The following DLG2 variants were observed in gnomAD, a reference collection of about 807,000 sequenced individuals.
The protein encoded by DLG2 is disks large homolog 2.
Under a neutral mutation model 132.5 loss-of-function variants are expected in DLG2, and 45 were observed. The observed-to-expected ratio is 0.34, with a 90% CI of 0.27 to 0.44. DLG2 has a LOEUF of 0.44. Ranked by LOEUF, DLG2 falls within the 20% of genes least tolerant of loss-of-function variation. The pLI, the probability that DLG2 is intolerant of heterozygous loss-of-function variation, is 1.00. For missense variants in DLG2, 1,045 were observed against 1,196.9 expected (o/e 0.87, Z 1.87); for synonymous variants, 424 against 419.6 (o/e 1.01, Z -0.13).
chr11:85,461,886 A>T (rs2092626746), intron 3 of DLG2, among the ~76,000 whole-genome samples: 1 of 152,126 alleles, frequency 6.6e-6, no homozygotes, highest in Admixed American at 6.6e-5. Context: ...TGGGAGAAAA[A>T]TTTTGCAACC....
intron 6 of DLG2, among the ~76,000 whole-genome samples, chr11:85,096,166 C>G (rs2069714403): frequency 6.6e-6 from 1 of 152,212 alleles, no homozygotes; most frequent in South Asian, 2.1e-4. Flanking sequence ...GACCAATCAG[C>G]AGGATGTGGG....
At chr11:83,573,943 G>C (rs996592986) in intron 19 of DLG2, among the ~76,000 whole-genome samples, 9 of 152,170 alleles carry the variant, frequency 5.9e-5, no homozygotes, top group Non-Finnish European at 1.2e-4. Flanking sequence ...TCTGTATTGA[G>C]TTGGTGAACT....
intron 18 of DLG2, among the ~76,000 whole-genome samples, chr11:83,743,449 T>TTTTTTTTTTA (rs1555372680): frequency 8.1e-5 from 10 of 124,098 alleles, no homozygotes; most frequent in African/African-American, 2.5e-4. Context: ...TTTTTTTTTT[T>TTTTTTTTTTA]ATGACAGGGT....
chr11:83,527,402 T>A (rs1301464161), intron 21 of DLG2, among the ~76,000 whole-genome samples: 2 of 152,136 alleles, frequency 1.3e-5, no homozygotes, highest in African/African-American at 4.8e-5. Flanking sequence ...AATAAATGAT[T>A]TCCTTTGAAG....
chr11:85,254,872 G>A (rs2076585225), intron 4 of DLG2, among the ~76,000 whole-genome samples: 1 of 151,920 alleles, frequency 6.6e-6, no homozygotes, highest in South Asian at 2.1e-4. Flanking sequence ...ATGGTGGCAG[G>A]CGTGTAGTCC....
intron 7 of DLG2, among the ~76,000 whole-genome samples, chr11:84,531,341 G>A (rs1261794998): frequency 6.6e-6 from 1 of 152,118 alleles, no homozygotes; most frequent in African/African-American, 2.4e-5. Flanking sequence ...ATGGGTGGAA[G>A]GAGGGTGAGG....
chr11:84,264,850 G>A (rs2097594288), intron 7 of DLG2, among the ~76,000 whole-genome samples: 1 of 152,128 alleles, frequency 6.6e-6, no homozygotes, highest in Admixed American at 6.5e-5. Flanking sequence ...TTCTAGTCCT[G>A]CACTTGGATT....
intron 4 of DLG2, among the ~76,000 whole-genome samples, chr11:85,199,667 G>T (rs747857151): frequency 6.6e-6 from 1 of 152,146 alleles, no homozygotes; most frequent in Non-Finnish European, 1.5e-5. Flanking sequence ...TCTTTGGAAA[G>T]TACCATTGAT....
chr11:83,768,779 G>A (rs1389611763), intron 18 of DLG2, among the ~76,000 whole-genome samples: 1 of 152,188 alleles, frequency 6.6e-6, no homozygotes, highest in African/African-American at 2.4e-5. Context: ...CTAGTTAAAG[G>A]AGCATGGCCT....
At chr11:85,069,697 T>C (rs1432465571) in intron 6 of DLG2, among the ~76,000 whole-genome samples, 1 of 152,154 alleles carries the variant, frequency 6.6e-6, no homozygotes, top group Non-Finnish European at 1.5e-5. Flanking sequence ...ACTTTTACAC[T>C]GTTGGTGGGA....
chr11:84,511,293 A>G (rs1006798928), intron 7 of DLG2, among the ~76,000 whole-genome samples: 3 of 152,130 alleles, frequency 2.0e-5, no homozygotes, highest in African/African-American at 7.2e-5. Flanking sequence ...TCAATTTAAT[A>G]TAGGACTAAT....
intron 3 of DLG2, among the ~76,000 whole-genome samples, chr11:85,407,899 C>T (rs1236328203): frequency 7.3e-5 from 11 of 151,572 alleles, no homozygotes; most frequent in Non-Finnish European, 2.9e-5. Context: ...TGAAAAAGCC[C>T]TCAAGCATGG....
chr11:85,565,124 C>A (rs193208028), intron 3 of DLG2, among the ~76,000 whole-genome samples: 1 of 151,882 alleles, frequency 6.6e-6, no homozygotes, highest in Non-Finnish European at 1.5e-5. Context: ...TTTGTAGATT[C>A]CACAGGATTT....
chr11:83,904,355 A>T (rs1199210068), intron 15 of DLG2, among the ~76,000 whole-genome samples: 26 of 151,602 alleles, frequency 1.7e-4, no homozygotes, highest in Admixed American at 1.7e-3. Flanking sequence ...ATAATTATAA[A>T]AATTAGTGTT....
intron 2 of DLG2, among the ~76,000 whole-genome samples, chr11:85,620,373 C>A (rs2081614197): frequency 6.6e-6 from 1 of 152,200 alleles, no homozygotes; most frequent in Non-Finnish European, 1.5e-5. Context: ...CAATTAATAA[C>A]TCTACCATGG....
At chr11:83,796,739 G>A (rs1304557036) in intron 17 of DLG2, among the ~76,000 whole-genome samples, 1 of 152,126 alleles carries the variant, frequency 6.6e-6, no homozygotes, top group Non-Finnish European at 1.5e-5. Flanking sequence ...GATAAACACA[G>A]TATTGAAATA....
At chr11:85,273,908 T>C (rs2077711328) in intron 4 of DLG2, among the ~76,000 whole-genome samples, 1 of 152,130 alleles carries the variant, frequency 6.6e-6, no homozygotes, top group Admixed American at 6.5e-5. Context: ...ATATACACCA[T>C]GGAATACTAT....
At chr11:84,571,088 C>T (rs1051001760) in intron 6 of DLG2, among the ~76,000 whole-genome samples, 1 of 152,106 alleles carries the variant, frequency 6.6e-6, no homozygotes, top group African/African-American at 2.4e-5. Flanking sequence ...ACCACACATA[C>T]CTATACTATA....
At chr11:84,063,638 A>T (rs2096625692) in intron 10 of DLG2, among the ~76,000 whole-genome samples, 1 of 152,194 alleles carries the variant, frequency 6.6e-6, no homozygotes, top group African/African-American at 2.4e-5. Context: ...ATTATAAATC[A>T]TGCTGCTATA....
Sources: gnomAD v4.1 joint callset for allele counts (sites outside exome capture counted in the v4.1 genomes callset) on GRCh38, gnomAD v4.1.1 for gene constraint, MANE v1.5 for transcripts, NCBI Gene and HGNC (gene_info 2026-07-23, HGNC 2026-07-21) for gene names.